Variants in MACROD2 observed in about 807,000 individuals in gnomAD.
The protein encoded by MACROD2 is ADP-ribose glycohydrolase MACROD2.
Under a neutral mutation model 70.4 loss-of-function variants are expected in MACROD2, and 36 were observed. That is an observed-to-expected ratio of 0.51 (90% confidence interval 0.39 to 0.68). MACROD2 has a LOEUF of 0.68. Ranked by LOEUF, MACROD2 falls within the 30% of genes least tolerant of loss-of-function variation. The pLI is 0.00. For synonymous variants in MACROD2, 172 were observed against 178.8 expected (o/e 0.96, Z 0.30); for missense variants, 496 against 538.4 (o/e 0.92, Z 0.78).
At chr20:15,640,014 A>T (rs977617468) in intron 8 of MACROD2, among the ~76,000 whole-genome samples, 2 of 144,782 alleles carry the variant, frequency 1.4e-5, no homozygotes, top group Admixed American at 1.3e-4. Context: ...AAAGGGGATG[A>T]TAGAGAGAAG....
At chr20:14,718,201 G>A (rs2071418873) in intron 5 of MACROD2, among the ~76,000 whole-genome samples, 1 of 144,702 alleles carries the variant, frequency 6.9e-6, no homozygotes, top group Non-Finnish European at 1.5e-5. Context: ...GCTGAGGCAG[G>A]AGAATTGCTT....
chr20:14,668,083 G>A (rs1215861504), intron 4 of MACROD2, among the ~76,000 whole-genome samples: 3 of 151,868 alleles, frequency 2.0e-5, no homozygotes, highest in African/African-American at 7.3e-5. Flanking sequence ...GACCTCAGGA[G>A]TTTGAGGCTG....
At chr20:14,905,349 A>G (rs997914426) in intron 5 of MACROD2, 2 of 152,104 alleles carry the variant, frequency 1.3e-5, no homozygotes, top group African/African-American at 4.8e-5. Flanking sequence ...TTTTAGGCAA[A>G]CTGAAAAATA....
At chr20:14,128,122 T>C (rs1025654860) in intron 3 of MACROD2, 2 of 532,726 alleles carry the variant, frequency 3.8e-6, no homozygotes, top group African/African-American at 1.9e-5. Flanking sequence ...CCAGAGAAGG[T>C]TGAAATCTTG....
chr20:14,209,860 A>T (rs893436227), intron 3 of MACROD2, among the ~76,000 whole-genome samples: 15 of 152,204 alleles, frequency 9.9e-5, no homozygotes, highest in Admixed American at 9.8e-4. Context: ...TGTGCCCAGG[A>T]AAATGGAATA....
chr20:15,792,643 TA>T (rs1287057339), intron 8 of MACROD2, among the ~76,000 whole-genome samples: 1 of 152,082 alleles, frequency 6.6e-6, no homozygotes, highest in African/African-American at 2.4e-5. Context: ...TGATAGCAGT[TA>T]AAAAAAGTTA....
chr20:15,229,527 A>G (rs1307645008), intron 5 of MACROD2, among the ~76,000 whole-genome samples: 2 of 152,168 alleles, frequency 1.3e-5, no homozygotes, highest in Non-Finnish European at 2.9e-5. Flanking sequence ...GAAGTAAGCT[A>G]GGCTAGCACT....
At chr20:15,931,952 C>A (rs913118830) in intron 10 of MACROD2, among the ~76,000 whole-genome samples, 1 of 152,148 alleles carries the variant, frequency 6.6e-6, no homozygotes, top group African/African-American at 2.4e-5. Flanking sequence ...TGGGAGGATT[C>A]TCTTGCCTCG....
intron 5 of MACROD2, among the ~76,000 whole-genome samples, chr20:14,942,175 A>G (rs1483364710): frequency 6.6e-6 from 1 of 152,016 alleles, no homozygotes; most frequent in East Asian, 1.9e-4. Context: ...GTGGTCACTT[A>G]TTATCTATCA....
chr20:15,410,947 T>A (rs370378042), intron 6 of MACROD2, among the ~76,000 whole-genome samples: 2 of 152,300 alleles, frequency 1.3e-5, no homozygotes, highest in East Asian at 1.9e-4. Flanking sequence ...GCAAGAGCAA[T>A]GGTGCCGTAC....
intron 8 of MACROD2, among the ~76,000 whole-genome samples, chr20:15,808,870 GAACA>G (rs1338548448): frequency 3.3e-5 from 5 of 152,258 alleles, no homozygotes; most frequent in African/African-American, 7.2e-5. Context: ...CAGAGTCGTT[GAACA>G]AACAGTGACT....
chr20:14,451,848 A>G (rs1350363474), intron 3 of MACROD2, among the ~76,000 whole-genome samples: 1 of 152,180 alleles, frequency 6.6e-6, no homozygotes, highest in African/African-American at 2.4e-5. Context: ...TGGACAAAGG[A>G]CACTGACATT....
chr20:14,059,069 C>G (rs746864850), intron 2 of MACROD2, among the ~76,000 whole-genome samples: 5 of 152,106 alleles, frequency 3.3e-5, no homozygotes, highest in Non-Finnish European at 7.4e-5. Flanking sequence ...CTCCTGAAAA[C>G]TATTTCTATG....
At chr20:14,460,844 G>A (rs2084360007) in intron 3 of MACROD2, among the ~76,000 whole-genome samples, 1 of 151,996 alleles carries the variant, frequency 6.6e-6, no homozygotes, top group Non-Finnish European at 1.5e-5. Context: ...GATGATTTTT[G>A]CATTGATGTT....
intron 3 of MACROD2, among the ~76,000 whole-genome samples, chr20:14,090,633 C>T (rs989503385): frequency 7.9e-5 from 12 of 151,684 alleles, no homozygotes; most frequent in African/African-American, 2.9e-4. Flanking sequence ...ACCCATCTGC[C>T]TCCCTTCCTG....
chr20:14,449,043 T>C (rs941931542), intron 3 of MACROD2, among the ~76,000 whole-genome samples: 34 of 152,090 alleles, frequency 2.2e-4, no homozygotes, highest in African/African-American at 7.7e-4. Flanking sequence ...TAGGTTCTAG[T>C]TGAAGAAACT....
chr20:15,493,319 T>C (rs918861911), intron 7 of MACROD2, among the ~76,000 whole-genome samples: 2 of 152,180 alleles, frequency 1.3e-5, no homozygotes, highest in Non-Finnish European at 2.9e-5. Context: ...CTGGCTTAAA[T>C]ATACCAAATT....
intron 6 of MACROD2, among the ~76,000 whole-genome samples, chr20:15,253,347 G>A (rs184383382): frequency 6.6e-6 from 1 of 152,258 alleles, no homozygotes; most frequent in East Asian, 1.9e-4. Context: ...CTTTTACAAA[G>A]TTTCCTGACC....
At chr20:14,841,366 C>G (rs1479736970) in intron 5 of MACROD2, among the ~76,000 whole-genome samples, 1 of 152,134 alleles carries the variant, frequency 6.6e-6, no homozygotes, top group African/African-American at 2.4e-5. Flanking sequence ...CTAATAGAAA[C>G]TTTCCACTGA....
Sources: gnomAD v4.1 joint callset for allele counts (sites outside exome capture counted in the v4.1 genomes callset) on GRCh38, gnomAD v4.1.1 for gene constraint, MANE v1.5 for transcripts, NCBI Gene and HGNC (gene_info 2026-07-23, HGNC 2026-07-21) for gene names.